SGCD: variants seen among roughly 807,000 people sequenced by gnomAD.
SGCD encodes delta-sarcoglycan.
SGCD carries 18 observed loss-of-function variants against 36.6 expected under a neutral mutation model. That is an observed-to-expected ratio of 0.49 (90% CI 0.34 to 0.73). SGCD has a LOEUF of 0.73. Among genes scored for constraint, SGCD ranks in the 30% least tolerant of loss-of-function variants. The probability of loss-of-function intolerance (pLI) is 0.01; values close to 1 mark genes in which losing one functional copy is unlikely to be tolerated. For missense variants in SGCD, 387 were observed against 346.7 expected (o/e 1.12, Z -0.92); for synonymous variants, 133 against 130.6 (o/e 1.02, Z -0.12).
chr5:155,825,730 T>G, the SGCD span, among the ~76,000 whole-genome samples: 1 of 17,792 alleles, frequency 5.6e-5, no homozygotes, highest in Non-Finnish European at 1.0e-4. Context: ...TATTATTTGT[T>G]TTTTTTTTTT....
At chr5:155,941,872 A>G (rs1581003238) in intron 1 of SGCD, among the ~76,000 whole-genome samples, 2 of 152,354 alleles carry the variant, frequency 1.3e-5, no homozygotes, top group Middle Eastern at 3.4e-3. Context: ...TTCATATTGT[A>G]GCATACTCAG....
At chr5:156,508,459 C>A in intron 3 of SGCD, 142 bp from the exon 4 acceptor site, 2 of 607,006 alleles carry the variant, frequency 3.3e-6, no homozygotes, top group South Asian at 2.1e-5. Context: ...TAATATTTTA[C>A]ATGTTTTTTG....
the SGCD span, among the ~76,000 whole-genome samples, chr5:155,782,277 G>C: frequency 6.6e-6 from 1 of 151,898 alleles, no homozygotes; most frequent in Non-Finnish European, 1.5e-5. Flanking sequence ...TGCCCGCCTT[G>C]ACTTCTCAAA....
In SGCD at chr5:156,340,875, C is replaced by T. The variant is rs530035384; in HGVS notation, c.4-3614C>T. On this transcript the variant is annotated intron_variant, in intron 2 of 8. Coordinates refer to ENST00000337851, the MANE Select transcript of SGCD (RefSeq NM_000337.6). ...TTTAATTTTTGATTAGAAAAATGAA[C>T]GTACTCAGCATATCTAAATTTCCCT... Among the ~76,000 whole-genome samples the T allele has an allele frequency of 3.9e-5, 6 of 152,296 alleles. No homozygotes were observed. In the East Asian group the frequency reaches 5.8e-4, roughly 15 times the overall value.
At chr5:155,767,196 G>C in the SGCD span, among the ~76,000 whole-genome samples, 7 of 152,316 alleles carry the variant, frequency 4.6e-5, no homozygotes, top group African/African-American at 7.2e-5. Flanking sequence ...AGTGGGTCAG[G>C]CTGCTGGTGC....
At chr5:155,899,076 A>G (rs1017599435) in intron 1 of SGCD, among the ~76,000 whole-genome samples, 4 of 152,208 alleles carry the variant, frequency 2.6e-5, no homozygotes, top group Non-Finnish European at 5.9e-5. Flanking sequence ...TAGTGTGGCC[A>G]TGGAATAAGT....
At chr5:156,333,173 A>G (rs1768152459) in intron 2 of SGCD, among the ~76,000 whole-genome samples, 1 of 152,236 alleles carries the variant, frequency 6.6e-6, no homozygotes, top group Admixed American at 6.5e-5. Flanking sequence ...TTCTTGCCAA[A>G]CACAATTGTC....
intron 3 of SGCD, among the ~76,000 whole-genome samples, chr5:156,434,304 A>T (rs1282417222): frequency 6.6e-6 from 1 of 152,180 alleles, no homozygotes; most frequent in Non-Finnish European, 1.5e-5. Flanking sequence ...ACTAAGATAC[A>T]CTTTTCTGAA....
chr5:155,907,216 A>T lies in SGCD; in HGVS notation c.-282+36792A>T, dbSNP rs1399147288. On this transcript the variant is annotated intron_variant, in intron 1 of 9. Transcript: ENST00000517913. Reference sequence around the variant, plus strand: ...CTACTGTGAGACCTACTGCTCAGGAAAAAAAGAGATTATTAAAAAAAAAAA... The same window carrying T: ...CTACTGTGAGACCTACTGCTCAGGATAAAAAGAGATTATTAAAAAAAAAAA... Among the ~76,000 whole-genome samples, 3 of 152,076 alleles carry T rather than the reference A, an allele frequency of 2.0e-5. No individual in the cohort carries two copies. In the East Asian group the frequency reaches 5.8e-4, roughly 30 times the overall value.
At chr5:155,929,013 T>C (rs1344764378) in intron 1 of SGCD, among the ~76,000 whole-genome samples, 1 of 152,218 alleles carries the variant, frequency 6.6e-6, no homozygotes, top group Non-Finnish European at 1.5e-5. Flanking sequence ...ATTTTCTCAT[T>C]ATAATACTTT....
intron 7 of SGCD, among the ~76,000 whole-genome samples, chr5:156,757,239 A>G (rs1283636255): frequency 3.1e-5 from 4 of 129,986 alleles, no homozygotes; most frequent in Non-Finnish European, 6.3e-5. Context: ...AGCTCGGTTT[A>G]GATCCGGGAT....
At chr5:156,721,637 A>G (rs1455733352) in intron 7 of SGCD, among the ~76,000 whole-genome samples, 2 of 152,192 alleles carry the variant, frequency 1.3e-5, no homozygotes, top group Non-Finnish European at 2.9e-5. Flanking sequence ...CATGCAGATT[A>G]GAGTGAAGCA....
At chr5:156,386,330 T>C (rs1382200159) in intron 3 of SGCD, among the ~76,000 whole-genome samples, 1 of 152,188 alleles carries the variant, frequency 6.6e-6, no homozygotes, top group Non-Finnish European at 1.5e-5. Context: ...TAAATCTAAA[T>C]TTTAACATCC....
intron 4 of SGCD, among the ~76,000 whole-genome samples, chr5:156,516,965 T>C (rs1179775767): frequency 6.6e-6 from 1 of 152,154 alleles, no homozygotes; most frequent in East Asian, 1.9e-4. Flanking sequence ...ACCACTGTAC[T>C]CTAGCCTGTG....
intron 3 of SGCD, among the ~76,000 whole-genome samples, chr5:156,217,254 A>G (rs780975415): frequency 6.6e-6 from 1 of 152,204 alleles, no homozygotes; most frequent in Non-Finnish European, 1.5e-5. Flanking sequence ...TAAGTGTCTT[A>G]GTGTTAGACT....
At chr5:156,143,632 A>G (rs949070154) in intron 3 of SGCD, among the ~76,000 whole-genome samples, 3 of 152,346 alleles carry the variant, frequency 2.0e-5, no homozygotes, top group Middle Eastern at 3.4e-3. Flanking sequence ...GATGTGGGAC[A>G]TGGAGTCACA....
chr5:156,103,281 G>T (rs1305378800), intron 1 of SGCD, among the ~76,000 whole-genome samples: 2 of 152,030 alleles, frequency 1.3e-5, no homozygotes, highest in Non-Finnish European at 2.9e-5. Context: ...TGGCCCATGG[G>T]GTGCCATGCC....
At chr5:156,409,729 A>C (rs1772642001) in intron 3 of SGCD, among the ~76,000 whole-genome samples, 1 of 152,228 alleles carries the variant, frequency 6.6e-6, no homozygotes, top group Non-Finnish European at 1.5e-5. Context: ...TGTGAAGATT[A>C]AATAAAATAA....
intron 3 of SGCD, among the ~76,000 whole-genome samples, chr5:156,433,700 T>C (rs1238451268): frequency 6.6e-6 from 1 of 152,190 alleles, no homozygotes; most frequent in East Asian, 1.9e-4. Context: ...AAGTCTTTTA[T>C]CAGGGCAGAA....
Sources: allele counts gnomAD v4.1 joint callset (sites outside exome capture counted in the v4.1 genomes callset), GRCh38; gene constraint gnomAD v4.1.1; transcripts MANE v1.5; gene names NCBI Gene and HGNC (gene_info 2026-07-23, HGNC 2026-07-21).